The following TMEM244 variants were observed in gnomAD, a reference collection of about 807,000 sequenced individuals.
TMEM244 encodes putative transmembrane protein 244.
A neutral mutation model predicts 15.8 loss-of-function variants in TMEM244; 13 were observed. The observed-to-expected ratio is 0.82, with a 90% CI of 0.53 to 1.30. The LOEUF (loss-of-function observed/expected upper bound fraction) is 1.30, where lower values mean the gene tolerates loss of function less well. Ranked by LOEUF, TMEM244 falls within the 50% of genes most tolerant of loss-of-function variation. The pLI is 0.00. For missense variants in TMEM244, 161 were observed against 144.9 expected (o/e 1.11, Z -0.57); for synonymous variants, 45 against 48.7 (o/e 0.92, Z 0.32).
intron 3 of TMEM244, among the ~76,000 whole-genome samples, chr6:129,836,351 C>T (rs951904243): frequency 1.3e-5 from 2 of 152,128 alleles, no homozygotes; most frequent in African/African-American, 4.8e-5. Context: ...GGAAAACTAA[C>T]AAACAGAAAA....
chr6:129,860,149 C>G (rs3063484), intron 1 of TMEM244, among the ~76,000 whole-genome samples: 1,418 of 105,430 alleles, frequency 0.013, 12 homozygotes, highest in Middle Eastern at 0.048. Flanking sequence ...GTGTGTGTGT[C>G]TGTCTGTCTG....
chr6:129,861,099 T>C (rs1297218481), intron 1 of TMEM244, 57 bp downstream of exon 1: 2 of 1,593,808 alleles, frequency 1.3e-6, no homozygotes, highest in Non-Finnish European at 1.7e-6. Context: ...ACATATTCAT[T>C]TACACCAGTG....
At chr6:129,855,494 A>G (rs962938678) in intron 1 of TMEM244, among the ~76,000 whole-genome samples, 13 of 152,210 alleles carry the variant, frequency 8.5e-5, no homozygotes, top group Non-Finnish European at 1.9e-4. Context: ...CTATAATTCA[A>G]AACTATTACT....
intron 3 of TMEM244, among the ~76,000 whole-genome samples, chr6:129,835,378 G>C (rs1345564194): frequency 1.3e-5 from 2 of 148,700 alleles, no homozygotes; most frequent in Non-Finnish European, 3.0e-5. Flanking sequence ...ACTCGAGACT[G>C]GGTGACAGAG....
At chr6:129,838,632 G>A (rs9483063) in intron 3 of TMEM244, among the ~76,000 whole-genome samples, 56,630 of 151,880 alleles carry the variant, frequency 0.37, 11,058 homozygotes, top group South Asian at 0.5. Context: ...AAAAAAATCA[G>A]TGAATCCAGG....
At chr6:129,854,788 A>G (rs1413177631) in intron 1 of TMEM244, among the ~76,000 whole-genome samples, 1 of 152,194 alleles carries the variant, frequency 6.6e-6, no homozygotes, top group African/African-American at 2.4e-5. Flanking sequence ...GTTTATTGGG[A>G]CATAATCCCA....
intron 1 of TMEM244, among the ~76,000 whole-genome samples, chr6:129,847,757 G>GTTTCTTT (rs1349026540): frequency 1.3e-5 from 2 of 148,474 alleles, no homozygotes; most frequent in Non-Finnish European, 3.0e-5. Context: ...CACATTCCTT[G>GTTTCTTT]TTTCTTTTTT....
intron 1 of TMEM244, among the ~76,000 whole-genome samples, chr6:129,860,522 T>C (rs1046884749): frequency 1.3e-5 from 2 of 152,198 alleles, no homozygotes; most frequent in Non-Finnish European, 2.9e-5. Flanking sequence ...TGTAATTTAA[T>C]TTTTAAGTAA....
chr6:129,835,834 C>T (rs996130522), intron 3 of TMEM244, among the ~76,000 whole-genome samples: 1 of 150,620 alleles, frequency 6.6e-6, no homozygotes, highest in Middle Eastern at 3.4e-3. Context: ...ACCTGCGACG[C>T]TGCATCTTGA....
At chr6:129,841,898 A>C (rs1231906270) in intron 3 of TMEM244, among the ~76,000 whole-genome samples, 1 of 152,174 alleles carries the variant, frequency 6.6e-6, no homozygotes, top group African/African-American at 2.4e-5. Context: ...TTTTATTAAT[A>C]TCTCTGAGAT....
chr6:129,835,830 G>A (rs2086408), intron 3 of TMEM244, among the ~76,000 whole-genome samples: 53,880 of 151,428 alleles, frequency 0.36, 10,731 homozygotes, highest in Non-Finnish European at 0.47. Flanking sequence ...ATAGACCTGC[G>A]ACGCTGCATC....
chr6:129,855,181 C>T (rs565707313), intron 1 of TMEM244, among the ~76,000 whole-genome samples: 28 of 152,254 alleles, frequency 1.8e-4, no homozygotes, highest in Admixed American at 7.2e-4. Flanking sequence ...CCAATTAAAA[C>T]GAGCAAATAT....
chr6:129,846,615 T>C (rs979642899), intron 1 of TMEM244, among the ~76,000 whole-genome samples: 3 of 152,196 alleles, frequency 2.0e-5, no homozygotes, highest in African/African-American at 7.2e-5. Flanking sequence ...ATTTGTATTT[T>C]AACTTGACAA....
intron 3 of TMEM244, among the ~76,000 whole-genome samples, chr6:129,836,483 G>A (rs757469337): frequency 6.6e-6 from 1 of 152,166 alleles, no homozygotes; most frequent in Non-Finnish European, 1.5e-5. Flanking sequence ...AAGAAAAGCT[G>A]AAAATTTTAA....
At chr6:129,854,129 G>A (rs1776672217) in intron 1 of TMEM244, among the ~76,000 whole-genome samples, 1 of 152,190 alleles carries the variant, frequency 6.6e-6, no homozygotes, top group Admixed American at 6.5e-5. Flanking sequence ...TATTTAAGAA[G>A]GGACTGGGAG....
At chr6:129,859,919 A>C (rs1017991764) in intron 1 of TMEM244, among the ~76,000 whole-genome samples, 1 of 151,936 alleles carries the variant, frequency 6.6e-6, no homozygotes, top group Non-Finnish European at 1.5e-5. Flanking sequence ...CAAGCACTTA[A>C]AAGAAAAGTT....
rs1415530887 is a variant in TMEM244 at position 129,833,503 on chromosome 6, A to G, written c.276T>C (p.Tyr92=). ...VPVVEEWVWD[Y]AISVTILHVA... Reference sequence around the variant, plus strand: ...CATGAAGAATAGTGACTGAAATAGCATAATCCCAAACCCATTCTTCCACAA... The same window carrying G: ...CATGAAGAATAGTGACTGAAATAGCGTAATCCCAAACCCATTCTTCCACAA... Residue 92 remains tyrosine (Y), a synonymous_variant, in exon 4 of 5, where the codon TAT becomes TAC. Coordinates refer to ENST00000368143, the MANE Select transcript of TMEM244 (RefSeq NM_001010876.2). 1.2e-6 allele frequency: 2 copies of G among 1,613,262 alleles called. No individual in the cohort carries two copies. Among genetic ancestry groups the G allele is most frequent in the Non-Finnish European group, 1.7e-6 (2 of 1,179,670 alleles).
At chr6:129,845,689 T>C (rs1229163477) in intron 2 of TMEM244, 78 bp downstream of exon 2, 9 of 1,031,836 alleles carry the variant, frequency 8.7e-6, no homozygotes, top group South Asian at 1.4e-5. Context: ...CATAAAGACA[T>C]ATGAAATGTT....
At chr6:129,841,618 G>T (rs370331405) in intron 3 of TMEM244, among the ~76,000 whole-genome samples, 2 of 152,036 alleles carry the variant, frequency 1.3e-5, no homozygotes, top group African/African-American at 2.4e-5. Context: ...TAACTTTCAG[G>T]TCAGTCTGTT....
Sources: allele counts gnomAD v4.1 joint callset (sites outside exome capture counted in the v4.1 genomes callset), GRCh38; gene constraint gnomAD v4.1.1; transcripts MANE v1.5; gene names NCBI Gene and HGNC (gene_info 2026-07-23, HGNC 2026-07-21).